The following FHOD3 variants were observed in gnomAD, a reference collection of about 807,000 sequenced individuals.
FHOD3 encodes FH1/FH2 domain-containing protein 3.
In FHOD3, 90 loss-of-function variants were observed where a neutral mutation model predicts 173.0. That is an observed-to-expected ratio of 0.52 (90% confidence interval 0.44 to 0.62). FHOD3 has a LOEUF of 0.62. Ranked by LOEUF, FHOD3 falls within the 20% of genes least tolerant of loss-of-function variation. FHOD3 has a pLI of 0.00. For missense variants in FHOD3, 1,945 were observed against 2,034.7 expected (o/e 0.96, Z 0.85); for synonymous variants, 828 against 823.0 (o/e 1.01, Z -0.10).
At chr18:36,365,821 GAA>G (rs926855174) in intron 2 of FHOD3, among the ~76,000 whole-genome samples, 6 of 152,170 alleles carry the variant, frequency 3.9e-5, no homozygotes, top group African/African-American at 1.4e-4. Flanking sequence ...AGTTGACTGA[GAA>G]AGTTCATTCC....
At chr18:36,552,181 G>A (rs1374146472) in intron 5 of FHOD3, among the ~76,000 whole-genome samples, 2 of 152,114 alleles carry the variant, frequency 1.3e-5, no homozygotes, top group Admixed American at 6.5e-5. Context: ...ATTGAGCAGT[G>A]GTTTGTAGTT....
At chr18:36,526,878 G>A (rs978324781) in intron 5 of FHOD3, among the ~76,000 whole-genome samples, 17 of 152,222 alleles carry the variant, frequency 1.1e-4, no homozygotes, top group African/African-American at 3.9e-4. Flanking sequence ...GTAACGTGGT[G>A]ACTTTGTTTC....
chr18:36,649,334 G>T lies in FHOD3; in HGVS notation c.1215G>T (p.Glu405Asp). 2.0e-6 allele frequency: 3 copies of T among 1,535,886 alleles called. No homozygotes were observed. The highest frequency in any genetic ancestry group is 2.6e-6 in the Non-Finnish European group (3 of 1,146,728). ...GTCTCAGGGAGGAGGAGGAGGAAGA[G>T]GAGCAGCCAATCACGGAGCCCAGTT... Reference protein sequence around the residue: ...DLREKEEEEEEEQPITEPSSE... With the variant: ...DLREKEEEEEDEQPITEPSSE... Residue 405 changes from glutamate to aspartate, a missense_variant, in exon 11 of 29, where the codon GAG becomes GAT. Glu to Asp is a conservative substitution (Grantham distance 45). Coordinates refer to ENST00000590592, the MANE Select transcript of FHOD3 (RefSeq NM_001281740.3).
intron 1 of FHOD3, 72 bp from the exon 2 acceptor site, chr18:36,355,467 A>G (rs1368335150): frequency 2.4e-6 from 3 of 1,241,500 alleles, no homozygotes; most frequent in African/African-American, 1.5e-5. Flanking sequence ...GGAGGGCAAC[A>G]TGATGTGATT....
intron 3 of FHOD3, among the ~76,000 whole-genome samples, chr18:36,387,066 A>C (rs761341231): frequency 6.6e-6 from 1 of 152,148 alleles, no homozygotes; most frequent in Non-Finnish European, 1.5e-5. Flanking sequence ...GGAGCCAAAA[A>C]TACCCTCCCC....
intron 25 of FHOD3, 23 bp downstream of exon 25, chr18:36,755,334 C>G: frequency 6.8e-7 from 1 of 1,469,972 alleles, no homozygotes; most frequent in Non-Finnish European, 9.1e-7. Flanking sequence ...CAATCCCTCT[C>G]CTTATGTCAT....
At chr18:36,508,777 G>A (rs944721811) in intron 4 of FHOD3, among the ~76,000 whole-genome samples, 1 of 152,122 alleles carries the variant, frequency 6.6e-6, no homozygotes, top group Non-Finnish European at 1.5e-5. Context: ...AATAGTTGAA[G>A]GGAAGTCTTG....
At chr18:36,402,018 A>T (rs1025412684) in intron 3 of FHOD3, among the ~76,000 whole-genome samples, 7 of 152,210 alleles carry the variant, frequency 4.6e-5, no homozygotes, top group Admixed American at 2.0e-4. Context: ...TATTCTTTTT[A>T]AAAATTCCAT....
intron 3 of FHOD3, among the ~76,000 whole-genome samples, chr18:36,426,003 C>T (rs1379183011): frequency 6.6e-6 from 1 of 151,828 alleles, no homozygotes; most frequent in Non-Finnish European, 1.5e-5. Context: ...CGGGTTCATG[C>T]CATTCCTCTG....
At chr18:36,584,658 A>G (rs2058966363) in intron 6 of FHOD3, among the ~76,000 whole-genome samples, 2 of 152,188 alleles carry the variant, frequency 1.3e-5, no homozygotes, top group Non-Finnish European at 2.9e-5. Context: ...TTAAAGAAAA[A>G]ATATGGCAAC....
chr18:36,577,545 C>T (rs78124624), intron 6 of FHOD3, among the ~76,000 whole-genome samples: 6,572 of 152,286 alleles, frequency 0.043, 359 homozygotes, highest in East Asian at 0.15. Flanking sequence ...AAATGATCCA[C>T]CTGCCTTGGC....
At chr18:36,359,267 C>A (rs17673157) in intron 2 of FHOD3, among the ~76,000 whole-genome samples, 2 of 152,108 alleles carry the variant, frequency 1.3e-5, no homozygotes, top group Non-Finnish European at 2.9e-5. Context: ...CTTCTTTGTT[C>A]TTGTCCATTA....
At chr18:36,523,141 AC>A (rs1432035360) in intron 5 of FHOD3, among the ~76,000 whole-genome samples, 1 of 110,696 alleles carries the variant, frequency 9.0e-6, no homozygotes, top group Non-Finnish European at 2.0e-5. Context: ...GTTCCTTGAA[AC>A]AACTGCTGGG....
At chr18:36,722,138 GT>G (rs1338387448) in intron 19 of FHOD3, among the ~76,000 whole-genome samples, 1 of 152,186 alleles carries the variant, frequency 6.6e-6, no homozygotes, top group Non-Finnish European at 1.5e-5. Flanking sequence ...ATCATATTGT[GT>G]TTTATGGTAA....
chr18:36,763,453 CGTATTATACACGTTATATATAATATT>C (rs1279072196), intron 27 of FHOD3, among the ~76,000 whole-genome samples: 1 of 143,210 alleles, frequency 7.0e-6, no homozygotes, highest in South Asian at 2.2e-4. Flanking sequence ...ATATAATATG[CGTATTATACACGTTATATATAATATT>C]GTATTATACA....
chr18:36,743,978 C>G, intron 22 of FHOD3, 54 bp from the exon 23 acceptor site: 1 of 1,596,724 alleles, frequency 6.3e-7, no homozygotes, highest in Non-Finnish European at 8.6e-7. Flanking sequence ...CCATCCTGTG[C>G]TATTCTCTAA....
intron 3 of FHOD3, among the ~76,000 whole-genome samples, chr18:36,457,858 A>G (rs938867311): frequency 1.3e-5 from 2 of 152,232 alleles, no homozygotes; most frequent in Non-Finnish European, 2.9e-5. Flanking sequence ...ATAGTAGGCA[A>G]AGATCTCAGT....
chr18:36,402,254 A>T (rs376213332), intron 3 of FHOD3, among the ~76,000 whole-genome samples: 16 of 152,116 alleles, frequency 1.1e-4, no homozygotes, highest in African/African-American at 3.9e-4. Context: ...TCTTCTTTTC[A>T]CATGGCAGCA....
intron 6 of FHOD3, among the ~76,000 whole-genome samples, chr18:36,590,559 T>A (rs1169600657): frequency 1.3e-5 from 2 of 152,180 alleles, no homozygotes; most frequent in African/African-American, 4.8e-5. Context: ...TTTCCTAAAG[T>A]GATTTAACTA....
Sources: allele counts gnomAD v4.1 joint callset (sites outside exome capture counted in the v4.1 genomes callset), GRCh38; gene constraint gnomAD v4.1.1; transcripts MANE v1.5; gene names NCBI Gene and HGNC (gene_info 2026-07-23, HGNC 2026-07-21).